LRP1B: variants seen among roughly 807,000 people sequenced by gnomAD.
LRP1B encodes the protein low-density lipoprotein receptor-related protein 1B.
In LRP1B, 217 loss-of-function variants were observed where a neutral mutation model predicts 556.6. That is an observed-to-expected ratio of 0.39 (90% CI 0.35 to 0.44). The LOEUF (loss-of-function observed/expected upper bound fraction) is 0.44. Among genes scored for constraint, LRP1B ranks in the 20% least tolerant of loss-of-function variants. The probability of loss-of-function intolerance (pLI) is 1.00; values close to 1 mark genes in which losing one functional copy is unlikely to be tolerated. For missense variants in LRP1B, 5,053 were observed against 5,620.8 expected, an observed-to-expected ratio of 0.90 and a Z score of 3.23; for synonymous variants, 2,047 against 1,865.8, an observed-to-expected ratio of 1.10 and a Z score of -2.50.
chr2:140,770,325 AC>A (rs1689267113), intron 34 of LRP1B, among the ~76,000 whole-genome samples: 1 of 151,990 alleles, frequency 6.6e-6, no homozygotes, highest in African/African-American at 2.4e-5. Flanking sequence ...AACATTTTTA[AC>A]GATAAAAATT....
At chr2:140,814,365 C>A (rs1025129445) in intron 31 of LRP1B, among the ~76,000 whole-genome samples, 3 of 152,122 alleles carry the variant, frequency 2.0e-5, no homozygotes, top group South Asian at 4.2e-4. Flanking sequence ...ATAATCTGTG[C>A]CACCAAGAAA....
chr2:141,936,868 A>AT (rs1335396691), intron 1 of LRP1B, among the ~76,000 whole-genome samples: 5 of 150,380 alleles, frequency 3.3e-5, no homozygotes, highest in Non-Finnish European at 7.4e-5. Context: ...TTCATTATAT[A>AT]TTTTCTCCTA....
chr2:140,563,423 A>G (rs897005207), intron 43 of LRP1B, among the ~76,000 whole-genome samples: 1 of 4,204 alleles, frequency 2.4e-4, no homozygotes, highest in Non-Finnish European at 0.026. Flanking sequence ...ATAATTTTAA[A>G]AAATTTATGA....
intron 86 of LRP1B, among the ~76,000 whole-genome samples, chr2:140,248,647 A>C (rs2104902217): frequency 6.6e-6 from 1 of 151,830 alleles, no homozygotes; most frequent in South Asian, 2.1e-4. Flanking sequence ...AATAAAGTGA[A>C]CAACAAATAA....
Position 141,258,658 on chromosome 2 carries a change from G to T in LRP1B, c.344-4017C>A, listed in dbSNP as rs142284246. On this transcript the variant is annotated intron_variant, in intron 3 of 90. Transcript: ENST00000389484. ...TTGAATTGTAATCCCCAATGTTGGG[G>T]TAGAAACCTGGAGGGAGGTGATTGG... 1.5e-3 allele frequency among the ~76,000 whole-genome samples: 233 copies of T among 152,232 alleles called. 1 individual carries two copies. The highest frequency in any genetic ancestry group is 5.1e-3 in the African/African-American group (213 of 41,526).
rs142214353 is a variant in LRP1B, at chr2:141,200,041, A to C, written c.851-11458T>G. 1.5e-3 allele frequency among the ~76,000 whole-genome samples: 225 copies of C among 152,342 alleles called. 1 individual carries two copies. The highest frequency in any genetic ancestry group is 5.0e-3 in the African/African-American group (208 of 41,572). On this transcript the variant is annotated intron_variant, in intron 6 of 90. Coordinates refer to ENST00000389484, the MANE Select transcript of LRP1B (RefSeq NM_018557.3). ...CAATTCCTCAAAGAGCTAAAAGTAG[A>C]ACTACCATTGGACCCAGCAATCCCA...
chr2:140,813,926 A>T (rs1399705711), intron 31 of LRP1B, 120 bp from the exon 32 acceptor site: 8 of 691,890 alleles, frequency 1.2e-5, no homozygotes. Flanking sequence ...TGTCTTTACA[A>T]ATAAGATCTG....
intron 2 of LRP1B, among the ~76,000 whole-genome samples, chr2:141,699,347 G>A (rs1453946730): frequency 1.3e-5 from 2 of 151,738 alleles, no homozygotes; most frequent in Non-Finnish European, 2.9e-5. Context: ...CATTCTCTGT[G>A]TTACAGTTCC....
intron 31 of LRP1B, among the ~76,000 whole-genome samples, chr2:140,821,236 A>T (rs1559139034): frequency 6.6e-6 from 1 of 152,150 alleles, no homozygotes; most frequent in Non-Finnish European, 1.5e-5. Context: ...AACCTTTTTA[A>T]AAAATTACCT....
intron 3 of LRP1B, among the ~76,000 whole-genome samples, chr2:141,290,961 A>G (rs535967666): frequency 6.6e-5 from 10 of 152,210 alleles, no homozygotes; most frequent in Non-Finnish European, 1.5e-4. Context: ...AGTGTATAAG[A>G]TATGTTATTT....
chr2:140,510,696 A>G (rs2104919865), intron 51 of LRP1B, among the ~76,000 whole-genome samples: 1 of 152,306 alleles, frequency 6.6e-6, no homozygotes, highest in Middle Eastern at 3.4e-3. Flanking sequence ...AAAAGTATAA[A>G]TGCATGCACG....
At chr2:141,623,746 G>A (rs1382823230) in intron 2 of LRP1B, among the ~76,000 whole-genome samples, 1 of 151,638 alleles carries the variant, frequency 6.6e-6, no homozygotes, top group African/African-American at 2.4e-5. Flanking sequence ...GCCAAGCGGG[G>A]TGGCTCAAGC....
At chr2:140,469,754 C>A (rs2105340314) in intron 60 of LRP1B, among the ~76,000 whole-genome samples, 1 of 152,230 alleles carries the variant, frequency 6.6e-6, no homozygotes, top group African/African-American at 2.4e-5. Flanking sequence ...TTTCAATCTT[C>A]AATTGTCTGT....
chr2:140,936,026 A>C (rs938629955), intron 20 of LRP1B, among the ~76,000 whole-genome samples: 4 of 150,736 alleles, frequency 2.7e-5, no homozygotes, highest in Non-Finnish European at 5.9e-5. Context: ...TGTGTGTGTA[A>C]ATTCAAAGTG....
rs1160621541 is a variant in LRP1B, at chr2:141,123,254, AT to A, written c.1014-60982del. ...CTTAAAGTATAATAAAAAAAAATAAATAAATAAATAAAAAAAAGAAAGTAAA... is the reference window on the plus strand; with the variant it reads ...CTTAAAGTATAATAAAAAAAAATAAAAAATAAATAAAAAAAAGAAAGTAAA... On this transcript the variant is annotated intron_variant, in intron 7 of 90. Transcript: ENST00000389484. 1.2e-4 allele frequency among the ~76,000 whole-genome samples: 18 copies of A among 151,096 alleles called. No individual in the cohort carries two copies. The East Asian group carries it at 2.7e-3, about 23-fold the overall frequency.
In LRP1B at chr2:140,495,552, T is replaced by C. The variant is rs538954178; in HGVS notation, c.9034+13A>G. The C allele has an allele frequency of 3.9e-5, 61 of 1,561,178 alleles. No individual in the cohort carries two copies. In the Admixed American group the frequency reaches 4.5e-4, roughly 12 times the overall value. ...AACTGAGGTTGGATCAGTGGGCAAGTTCAATTCGATACCTGAGAGCGATTT... is the reference window on the plus strand; with the variant it reads ...AACTGAGGTTGGATCAGTGGGCAAGCTCAATTCGATACCTGAGAGCGATTT... On this transcript the variant is annotated intron_variant, in intron 56 of 90. Coordinates refer to ENST00000389484, the MANE Select transcript of LRP1B (RefSeq NM_018557.3).
intron 7 of LRP1B, among the ~76,000 whole-genome samples, chr2:141,082,681 G>A (rs892411963): frequency 2.0e-5 from 3 of 152,302 alleles, no homozygotes; most frequent in South Asian, 4.1e-4. Flanking sequence ...TCCATGATCA[G>A]GTGTGGCAGT....
rs1553519023 is a variant in LRP1B at position 142,115,662 on chromosome 2, T to TATATATAATATATGTTATATATATA, written c.82+14985_82+14986insTATATATATAACATATATTATATAT. ...TATGTAATATATATATTATATGTAATATATATATGTAATATATATATAATA... is the reference window on the plus strand; with the variant it reads ...TATGTAATATATATATTATATGTAATATATATAATATATGTTATATATATAATATATATGTAATATATATATAATA... On this transcript the variant is annotated intron_variant, in intron 1 of 90. Coordinates refer to ENST00000389484, the MANE Select transcript of LRP1B (RefSeq NM_018557.3). Among the ~76,000 whole-genome samples the TATATATAATATATGTTATATATATA allele has an allele frequency of 1.7e-3, 9 of 5,162 alleles. 3 individuals carry two copies. Among genetic ancestry groups the TATATATAATATATGTTATATATATA allele is most frequent in the African/African-American group, 3.7e-3 (9 of 2,412 alleles). The allele number at this position is 5,162 out of a possible 152,430, so 3.4% of individuals were successfully genotyped here.
intron 1 of LRP1B, among the ~76,000 whole-genome samples, chr2:141,974,992 A>T (rs1015361511): frequency 4.6e-5 from 7 of 152,078 alleles, no homozygotes; most frequent in Non-Finnish European, 5.9e-5. Flanking sequence ...TTATTTTGAA[A>T]TAATGTATTA....
Sources: gnomAD v4.1 joint callset for allele counts (sites outside exome capture counted in the v4.1 genomes callset) on GRCh38, gnomAD v4.1.1 for gene constraint, MANE v1.5 for transcripts, NCBI Gene and HGNC (gene_info 2026-07-23, HGNC 2026-07-21) for gene names.